Variants in RALYL observed in about 807,000 individuals in gnomAD.
RALYL encodes RALY RNA binding protein like, also known as RNA-binding Raly-like protein.
RALYL carries 29 observed loss-of-function variants against 35.1 expected under a neutral mutation model. The observed-to-expected ratio is 0.83, with a 90% CI of 0.61 to 1.13. The LOEUF (loss-of-function observed/expected upper bound fraction) is 1.13. RALYL is among the 50% of genes most tolerant of loss of function. The pLI is 0.00. For missense variants in RALYL, 359 were observed against 360.4 expected, an observed-to-expected ratio of 1.00 and a Z score of 0.03; for synonymous variants, 120 against 127.6, an observed-to-expected ratio of 0.94 and a Z score of 0.40.
intron 2 of RALYL, among the ~76,000 whole-genome samples, chr8:84,621,247 G>A (rs1024108111): frequency 1.1e-4 from 16 of 152,294 alleles, no homozygotes; most frequent in African/African-American, 2.9e-4. Context: ...GGGAGACTCC[G>A]TGGGCGTGGG....
chr8:84,311,093 G>A (rs55928002), intron 1 of RALYL, among the ~76,000 whole-genome samples: 25,861 of 74,990 alleles, frequency 0.34, 5,376 homozygotes, highest in East Asian at 0.42. Flanking sequence ...AAAAAAAAAT[G>A]TATATTAATG....
chr8:84,832,439 G>A (rs1831111292), intron 4 of RALYL, among the ~76,000 whole-genome samples: 1 of 152,052 alleles, frequency 6.6e-6, no homozygotes, highest in Non-Finnish European at 1.5e-5. Context: ...GGCATCTAAA[G>A]CTGTAGATTT....
At chr8:84,258,421 G>A (rs1046964687) in intron 1 of RALYL, among the ~76,000 whole-genome samples, 1 of 151,976 alleles carries the variant, frequency 6.6e-6, no homozygotes, top group Admixed American at 6.6e-5. Context: ...AGAAAGATTA[G>A]TGAAGCCACA....
chr8:84,190,587 G>A (rs183894582), intron 1 of RALYL, among the ~76,000 whole-genome samples: 72 of 152,302 alleles, frequency 4.7e-4, no homozygotes, highest in Admixed American at 7.2e-4. Flanking sequence ...TTGAATTTTG[G>A]AATCTGGATA....
intron 6 of RALYL, among the ~76,000 whole-genome samples, chr8:84,868,205 A>G (rs1426181116): frequency 6.6e-6 from 1 of 152,236 alleles, no homozygotes; most frequent in East Asian, 1.9e-4. Context: ...TTTTTAAAGA[A>G]CACTTAAAAA....
At chr8:84,806,651 TAAAAG>T (rs1824687752) in intron 4 of RALYL, among the ~76,000 whole-genome samples, 2 of 152,202 alleles carry the variant, frequency 1.3e-5, no homozygotes, top group East Asian at 1.9e-4. Flanking sequence ...GCTTATGTCT[TAAAAG>T]TAAAGTGGTG....
At chr8:84,690,874 T>C (rs754338392) in intron 2 of RALYL, among the ~76,000 whole-genome samples, 3 of 152,048 alleles carry the variant, frequency 2.0e-5, no homozygotes, top group Non-Finnish European at 4.4e-5. Context: ...ATATTGGTGA[T>C]ATCATCCATT....
chr8:84,640,868 T>A (rs1378179636), intron 2 of RALYL, among the ~76,000 whole-genome samples: 1 of 151,934 alleles, frequency 6.6e-6, no homozygotes, highest in Non-Finnish European at 1.5e-5. Context: ...GAAAATCTCA[T>A]TATAACACAG....
At chr8:84,554,843 A>C (rs1204128213) in intron 2 of RALYL, among the ~76,000 whole-genome samples, 24 of 152,244 alleles carry the variant, frequency 1.6e-4, no homozygotes, top group Non-Finnish European at 4.4e-5. Flanking sequence ...AGAAATTTTG[A>C]TAAATTATTT....
chr8:84,273,004 G>A (rs1252083096), intron 1 of RALYL, among the ~76,000 whole-genome samples: 1 of 152,164 alleles, frequency 6.6e-6, no homozygotes, highest in Non-Finnish European at 1.5e-5. Context: ...TTTTATTCTA[G>A]CAATTATTCA....
intron 1 of RALYL, among the ~76,000 whole-genome samples, chr8:84,331,470 A>T (rs935866260): frequency 2.0e-5 from 3 of 152,078 alleles, no homozygotes; most frequent in Non-Finnish European, 4.4e-5. Flanking sequence ...ACTATCTTAG[A>T]CTGCTTACAG....
chr8:84,211,479 C>T (rs1198861197), intron 1 of RALYL, among the ~76,000 whole-genome samples: 1 of 152,084 alleles, frequency 6.6e-6, no homozygotes, highest in Non-Finnish European at 1.5e-5. Flanking sequence ...GTAATTAGAT[C>T]CAGCACTTAG....
At chr8:84,424,477 T>C (rs2046090706) in intron 1 of RALYL, among the ~76,000 whole-genome samples, 1 of 145,738 alleles carries the variant, frequency 6.9e-6, no homozygotes, top group Admixed American at 6.8e-5. Flanking sequence ...GTTTTCAACT[T>C]CTTTGCCTTC....
intron 2 of RALYL, among the ~76,000 whole-genome samples, chr8:84,532,638 T>C (rs897369472): frequency 2.6e-5 from 4 of 152,120 alleles, no homozygotes; most frequent in Admixed American, 2.6e-4. Flanking sequence ...GATTAGATCA[T>C]GCACTGCATT....
At chr8:84,694,869 C>T (rs1169113330) in intron 2 of RALYL, among the ~76,000 whole-genome samples, 1 of 151,800 alleles carries the variant, frequency 6.6e-6, no homozygotes, top group African/African-American at 2.4e-5. Flanking sequence ...TGAACATCTA[C>T]ATGGGTATAG....
At chr8:84,714,340 C>T (rs189290352) in intron 2 of RALYL, among the ~76,000 whole-genome samples, 1 of 151,918 alleles carries the variant, frequency 6.6e-6, no homozygotes, top group Non-Finnish European at 1.5e-5. Flanking sequence ...TATTGTGCAA[C>T]ATGGTGACTA....
chr8:84,477,855 C>T (rs2053602029), intron 1 of RALYL, among the ~76,000 whole-genome samples: 1 of 151,692 alleles, frequency 6.6e-6, no homozygotes, highest in South Asian at 2.1e-4. Context: ...GATATGACAC[C>T]AGTCAAATAG....
At chr8:84,564,831 T>C (rs1256585781) in intron 2 of RALYL, among the ~76,000 whole-genome samples, 12 of 151,648 alleles carry the variant, frequency 7.9e-5, no homozygotes, top group Non-Finnish European at 4.4e-5. Flanking sequence ...ATTGTAATGA[T>C]TGTTCAATCA....
chr8:84,870,679 G>A (rs1210004227), intron 6 of RALYL, among the ~76,000 whole-genome samples: 2 of 151,868 alleles, frequency 1.3e-5, no homozygotes, highest in African/African-American at 4.8e-5. Context: ...GTTAACAGGA[G>A]GGGAAAAAGT....
Sources: gnomAD v4.1 joint callset for allele counts (sites outside exome capture counted in the v4.1 genomes callset) on GRCh38, gnomAD v4.1.1 for gene constraint, MANE v1.5 for transcripts, NCBI Gene and HGNC (gene_info 2026-07-23, HGNC 2026-07-21) for gene names.